The following RSBN1L variants were observed in gnomAD, a reference collection of about 807,000 sequenced individuals.
RSBN1L encodes lysine-specific demethylase RSBN1L.
RSBN1L carries 30 observed loss-of-function variants against 67.7 expected under a neutral mutation model. The observed-to-expected ratio is 0.44, with a 90% confidence interval of 0.33 to 0.60. The LOEUF (loss-of-function observed/expected upper bound fraction) is 0.60. Among genes scored for constraint, RSBN1L ranks in the 20% least tolerant of loss-of-function variants. The pLI, the probability that RSBN1L is intolerant of heterozygous loss-of-function variation, is 0.02. For synonymous variants in RSBN1L, 433 were observed against 387.0 expected, an observed-to-expected ratio of 1.12 and a Z score of -1.39; for missense variants, 992 against 1,031.7, an observed-to-expected ratio of 0.96 and a Z score of 0.53.
intron 3 of RSBN1L, among the ~76,000 whole-genome samples, chr7:77,762,371 G>A (rs1461171305): frequency 1.3e-5 from 2 of 151,912 alleles, no homozygotes; most frequent in African/African-American, 4.8e-5. Context: ...CAGAGAATGG[G>A]GGAAAAATCG....
chr7:77,768,523 C>A, intron 4 of RSBN1L, 138 bp from the exon 5 acceptor site: 1 of 716,758 alleles, frequency 1.4e-6, no homozygotes, highest in Non-Finnish European at 2.3e-6. Context: ...GGGATATATT[C>A]AATATTATGT....
chr7:77,739,450 C>T (rs1258659608), intron 2 of RSBN1L, among the ~76,000 whole-genome samples: 3 of 151,748 alleles, frequency 2.0e-5, no homozygotes, highest in Non-Finnish European at 4.4e-5. Context: ...CAGTGTCTCA[C>T]GCCTGTAATC....
At chr7:77,706,356 C>A (rs11760252) in intron 1 of RSBN1L, among the ~76,000 whole-genome samples, 103 of 151,888 alleles carry the variant, frequency 6.8e-4, no homozygotes, top group African/African-American at 2.3e-3. Flanking sequence ...GATTACAGGC[C>A]TGAGCCACCG....
intron 6 of RSBN1L, among the ~76,000 whole-genome samples, chr7:77,776,294 T>A (rs1254088313): frequency 1.3e-5 from 2 of 152,240 alleles, no homozygotes; most frequent in African/African-American, 4.8e-5. Flanking sequence ...ATCATACAGT[T>A]CACCCATTTA....
intron 1 of RSBN1L, among the ~76,000 whole-genome samples, chr7:77,728,014 G>A (rs1403253584): frequency 6.6e-6 from 1 of 151,872 alleles, no homozygotes; most frequent in East Asian, 1.9e-4. Flanking sequence ...AATTTGTCAG[G>A]TCCCCCTTTG....
intron 5 of RSBN1L, 139 bp downstream of exon 5, chr7:77,768,942 C>A: frequency 4.5e-6 from 3 of 664,822 alleles, no homozygotes; most frequent in Non-Finnish European, 5.1e-6. Context: ...GCGATACATG[C>A]TAATACAATT....
In RSBN1L at chr7:77,781,377, G is replaced by A. The variant is rs1296209290; in HGVS notation, c.*2209G>A. On this transcript the variant is annotated 3_prime_UTR_variant, in exon 8 of 8. Transcript: ENST00000334955. Reference sequence around the variant, plus strand: ...GCACCTACCTTTTTGAGTGGCAGAAGTTCTTAACAAACCAGTATTGAGAAA... The same window carrying A: ...GCACCTACCTTTTTGAGTGGCAGAAATTCTTAACAAACCAGTATTGAGAAA... The A allele has an allele frequency of 1.3e-5, 2 of 152,176 alleles. No individual in the cohort carries two copies. Among genetic ancestry groups the A allele is most frequent in the Non-Finnish European group, 2.9e-5 (2 of 68,026 alleles). 9.4% of individuals were successfully genotyped at this position (152,176 alleles called of 1,614,324 possible). A position where few individuals can be genotyped will look rare whatever the true frequency, so the allele number is the denominator to read the frequency against.
At chr7:77,760,404 TG>T (rs1317675143) in intron 3 of RSBN1L, among the ~76,000 whole-genome samples, 1 of 152,114 alleles carries the variant, frequency 6.6e-6, no homozygotes, top group Non-Finnish European at 1.5e-5. Context: ...ATGATGGTCA[TG>T]GGGTTTTGTG....
chr7:77,741,032 T>C (rs898837955), intron 2 of RSBN1L, among the ~76,000 whole-genome samples: 1 of 148,308 alleles, frequency 6.7e-6, no homozygotes, highest in Non-Finnish European at 1.5e-5. Context: ...TGATACCCAG[T>C]CTGGAGTGCG....
At chr7:77,756,335 GT>G (rs547515544) in intron 3 of RSBN1L, among the ~76,000 whole-genome samples, 105 of 152,182 alleles carry the variant, frequency 6.9e-4, no homozygotes, top group African/African-American at 2.3e-3. Context: ...GTTTCACCAT[GT>G]TGCCCAGGCT....
At chr7:77,771,533 A>G (rs1290378194) in intron 5 of RSBN1L, among the ~76,000 whole-genome samples, 5 of 135,582 alleles carry the variant, frequency 3.7e-5, no homozygotes, top group Admixed American at 7.4e-5. Flanking sequence ...TTTTTGAGAT[A>G]GAGTCTAGCT....
rs114938576 is a variant in RSBN1L at position 77,727,752 on chromosome 7, C to T, written c.587-8658C>T. Among the ~76,000 whole-genome samples the T allele has an allele frequency of 6.2e-3, 949 of 152,162 alleles. 7 individuals are homozygous for T. The highest frequency in any genetic ancestry group is 0.022 in the African/African-American group (904 of 41,514). ...GAGTGTTTGGATTACAGGTGTAAGC[C>T]GCTGAGCCTGGCCAGAATGACCACT... On this transcript the variant is annotated intron_variant, in intron 1 of 7. Coordinates refer to ENST00000334955, the MANE Select transcript of RSBN1L (RefSeq NM_198467.3).
intron 1 of RSBN1L, among the ~76,000 whole-genome samples, chr7:77,711,068 G>A (rs1018538107): frequency 6.6e-6 from 1 of 152,070 alleles, no homozygotes; most frequent in Non-Finnish European, 1.5e-5. Flanking sequence ...AGAGATGCCC[G>A]ATTATCATTT....
intron 1 of RSBN1L, among the ~76,000 whole-genome samples, chr7:77,699,887 C>T (rs1324785551): frequency 6.6e-6 from 1 of 151,740 alleles, no homozygotes; most frequent in Non-Finnish European, 1.5e-5. Flanking sequence ...ACCTCCGCCT[C>T]CCGGGTTCAA....
chr7:77,749,849 A>G lies in RSBN1L; in HGVS notation c.1129A>G (p.Met377Val), dbSNP rs777808596. The G allele has an allele frequency of 1.2e-6, 2 of 1,613,990 alleles. No individual in the cohort carries two copies. Among genetic ancestry groups the G allele is most frequent in the Non-Finnish European group, 1.7e-6 (2 of 1,179,980 alleles). Reference protein sequence around the residue: ...NELSHLSPMEMERFAEEFVGL... With the variant: ...NELSHLSPMEVERFAEEFVGL... The stretch of plus-strand genomic sequence containing the variant: ...ACTCTCCCACCTGTCTCCTATGGAG[A>G]TGGAGAGGTTTGCAGAAGAGTTTGT... The change falls in exon 3 of 8, where the codon ATG (methionine) becomes GTG (valine). Residue 377 changes from methionine (M) to valine (V), a missense_variant. Coordinates refer to ENST00000334955, the MANE Select transcript of RSBN1L (RefSeq NM_198467.3).
intron 2 of RSBN1L, among the ~76,000 whole-genome samples, chr7:77,737,891 G>A (rs1427456025): frequency 2.6e-5 from 4 of 152,000 alleles, no homozygotes; most frequent in Non-Finnish European, 4.4e-5. Context: ...GCATGATGGT[G>A]GACATCTGTA....
At position 77,768,804 on chromosome 7, in the gene RSBN1L, G is replaced by A; in HGVS notation, c.1625+1G>A. ...CAAAGTCACCTTTCAAAAGGAAAAG[G>A]TATGTTGTATACACATTTTTATTGG... On this transcript the variant is annotated splice_donor_variant, in intron 5 of 7. Coordinates refer to ENST00000334955, the MANE Select transcript of RSBN1L (RefSeq NM_198467.3). LOFTEE classifies it high-confidence loss of function. The A allele has an allele frequency of 6.2e-7, 1 of 1,613,858 alleles. No homozygotes were observed.
intron 2 of RSBN1L, among the ~76,000 whole-genome samples, chr7:77,749,103 A>G (rs1791521301): frequency 6.6e-6 from 1 of 152,048 alleles, no homozygotes; most frequent in Admixed American, 6.5e-5. Flanking sequence ...AAAACACAAG[A>G]ATTAGCTGGG....
chr7:77,773,226 A>AGAGCTC lies in RSBN1L; in HGVS notation c.1706_1711dup (p.Arg569_Ala570dup), dbSNP rs1264587903. On this transcript the variant is annotated inframe_insertion, in exon 6 of 8. Coordinates refer to ENST00000334955, the MANE Select transcript of RSBN1L (RefSeq NM_198467.3). ...TGAGATGCTCTTTGAAGACAGGACA[A>AGAGCTC]GAGCTCATGCAGATCATATAGGACA... 6.2e-7 allele frequency: 1 copy of AGAGCTC among 1,613,488 alleles called. No homozygotes were observed. The highest frequency in any genetic ancestry group is 8.5e-7 in the Non-Finnish European group (1 of 1,179,676).
Sources: allele counts gnomAD v4.1 joint callset (sites outside exome capture counted in the v4.1 genomes callset), GRCh38; gene constraint gnomAD v4.1.1; transcripts MANE v1.5; gene names NCBI Gene and HGNC (gene_info 2026-07-23, HGNC 2026-07-21).